SMC5: variants seen among roughly 807,000 people sequenced by gnomAD.
The protein encoded by SMC5 is structural maintenance of chromosomes protein 5.
In SMC5, 88 loss-of-function variants were observed where a neutral mutation model predicts 148.3. The observed-to-expected ratio is 0.59, with a 90% CI of 0.50 to 0.71. The LOEUF is 0.71. Ranked by LOEUF, SMC5 falls within the 30% of genes least tolerant of loss-of-function variation. The pLI, the probability that SMC5 is intolerant of heterozygous loss-of-function variation, is 0.00. For synonymous variants in SMC5, 421 were observed against 432.8 expected, an observed-to-expected ratio of 0.97 and a Z score of 0.34; for missense variants, 1,142 against 1,298.9, an observed-to-expected ratio of 0.88 and a Z score of 1.86.
At chr9:70,308,829 CAT>C (rs2035579285) in intron 11 of SMC5, among the ~76,000 whole-genome samples, 1 of 151,850 alleles carries the variant, frequency 6.6e-6, no homozygotes, top group African/African-American at 2.4e-5. Flanking sequence ...AGTACGTAGA[CAT>C]ATCGATTTTT....
chr9:70,329,059 G>A (rs1326600156), intron 17 of SMC5, among the ~76,000 whole-genome samples: 3 of 152,194 alleles, frequency 2.0e-5, no homozygotes, highest in Admixed American at 1.3e-4. Flanking sequence ...TGCACAGAGC[G>A]GCAGGGCCCT....
chr9:70,283,923 T>G (rs1391396036), intron 7 of SMC5, among the ~76,000 whole-genome samples: 2 of 152,210 alleles, frequency 1.3e-5, no homozygotes, highest in Non-Finnish European at 2.9e-5. Flanking sequence ...TTGACTAATG[T>G]AAGTTTCATC....
intron 24 of SMC5, among the ~76,000 whole-genome samples, chr9:70,351,199 C>G (rs898089597): frequency 6.6e-6 from 1 of 151,732 alleles, no homozygotes; most frequent in Admixed American, 6.6e-5. Flanking sequence ...AAAAAAAATA[C>G]AAAAATTAGC....
At position 70,323,470 on chromosome 9, in the gene SMC5, ATG is replaced by A; in HGVS notation, c.2151-9_2151-8del. 6.3e-7 allele frequency: 1 copy of A among 1,583,308 alleles called. No individual in the cohort carries two copies. Among genetic ancestry groups the A allele is most frequent in the Non-Finnish European group, 8.5e-7 (1 of 1,169,950 alleles). Reference sequence around the variant, plus strand: ...TTAACACTGATTTCTTCATTATTATATGTGTCATACAGTTTAAAGCTGATGGA... The same window carrying A: ...TTAACACTGATTTCTTCATTATTATATGTCATACAGTTTAAAGCTGATGGA... On this transcript the variant is annotated splice_polypyrimidine_tract_variant and intron_variant, in intron 15 of 24. Coordinates refer to ENST00000361138, the MANE Select transcript of SMC5 (RefSeq NM_015110.4).
intron 11 of SMC5, among the ~76,000 whole-genome samples, chr9:70,306,211 T>C (rs1341084456): frequency 6.6e-6 from 1 of 152,196 alleles, no homozygotes; most frequent in Non-Finnish European, 1.5e-5. Flanking sequence ...AAAAGCCTTA[T>C]AAGGAAAGGT....
intron 1 of SMC5, among the ~76,000 whole-genome samples, chr9:70,263,166 A>G (rs1444263985): frequency 6.6e-6 from 1 of 152,214 alleles, no homozygotes; most frequent in East Asian, 1.9e-4. Flanking sequence ...AAGAAGTTCC[A>G]TGTCAGGTAA....
intron 3 of SMC5, among the ~76,000 whole-genome samples, chr9:70,271,810 A>G (rs568082471): frequency 6.6e-6 from 1 of 152,338 alleles, no homozygotes; most frequent in African/African-American, 2.4e-5. Flanking sequence ...AGGTATAGAG[A>G]TTTGCAAATG....
In SMC5 at chr9:70,259,280, C is replaced by A; in HGVS notation, c.185+17C>A. 1 of 1,555,008 alleles carries A rather than the reference C, an allele frequency of 6.4e-7. No individual in the cohort carries two copies. Among genetic ancestry groups the A allele is most frequent in the Non-Finnish European group, 8.7e-7 (1 of 1,148,524 alleles). On this transcript the variant is annotated intron_variant, in intron 1 of 24. Transcript: ENST00000361138. ...GAACTTCCTGTAAGTTGCCCGGAGG[C>A]CGCGCCGCGGGTGTGGAGGTGTGCT...
intron 1 of SMC5, among the ~76,000 whole-genome samples, chr9:70,263,151 A>G (rs1467472182): frequency 6.6e-6 from 1 of 152,230 alleles, no homozygotes; most frequent in Non-Finnish European, 1.5e-5. Context: ...TCATGTGTTG[A>G]GCGTAAGAAG....
rs151310716 is a variant in SMC5 at position 70,326,818 on chromosome 9, T to G, written c.2397+2675T>G. Among the ~76,000 whole-genome samples, 435 of 152,066 alleles carry G rather than the reference T, an allele frequency of 2.9e-3. 3 individuals are homozygous for G. The highest frequency in any genetic ancestry group is 0.01 in the African/African-American group (420 of 41,520). On this transcript the variant is annotated intron_variant, in intron 17 of 24. Transcript: ENST00000361138. ...GCAACATAGCCTAACAGAGAAAAAT[T>G]ATTCCAAATGACTATAAAACACTGT...
At chr9:70,312,275 AC>A (rs1241226308) in intron 11 of SMC5, among the ~76,000 whole-genome samples, 1 of 152,200 alleles carries the variant, frequency 6.6e-6, no homozygotes, top group African/African-American at 2.4e-5. Context: ...GGCACATCTT[AC>A]ATGGCAGCAG....
rs2036444873 is a variant in SMC5, at chr9:70,339,163, C to T, written c.2398-4981C>T. 3.3e-5 allele frequency among the ~76,000 whole-genome samples: 5 copies of T among 152,140 alleles called. No individual in the cohort carries two copies. In the South Asian group the frequency reaches 1.0e-3, roughly 32 times the overall value. On this transcript the variant is annotated intron_variant, in intron 17 of 24. Coordinates refer to ENST00000361138, the MANE Select transcript of SMC5 (RefSeq NM_015110.4). ...GTCAAGAATGGGCTGGGCACGGTGG[C>T]TCACGCCTGTAATCCCAGCACTTTG...
chr9:70,331,425 G>T (rs184331215), intron 17 of SMC5, among the ~76,000 whole-genome samples: 1 of 151,910 alleles, frequency 6.6e-6, no homozygotes. Flanking sequence ...AAAACAGGGA[G>T]ATTTGAATGC....
chr9:70,313,695 TCA>T (rs1191947253), intron 11 of SMC5, among the ~76,000 whole-genome samples: 4 of 152,140 alleles, frequency 2.6e-5, no homozygotes, highest in Non-Finnish European at 5.9e-5. Flanking sequence ...AGACGGGCTT[TCA>T]CCATGTTGGT....
chr9:70,297,860 A>AAC (rs1273300603), intron 8 of SMC5, 106 bp from the exon 9 acceptor site: 5 of 1,305,850 alleles, frequency 3.8e-6, no homozygotes, highest in Non-Finnish European at 5.2e-6. Flanking sequence ...TAGTGAGGAA[A>AAC]ACACCTATGT....
chr9:70,351,538 CAAAG>C (rs2036804200), intron 24 of SMC5, among the ~76,000 whole-genome samples: 1 of 151,976 alleles, frequency 6.6e-6, no homozygotes, highest in Admixed American at 6.6e-5. Context: ...ACCAGGCTAT[CAAAG>C]AAGTTGCTTG....
rs766329777 is a variant in SMC5 at position 70,278,517 on chromosome 9, C to G, written c.570C>G (p.Leu190=). The G allele has an allele frequency of 6.2e-7, 1 of 1,608,424 alleles. No homozygotes were observed. The highest frequency in any genetic ancestry group is 2.2e-5 in the East Asian group (1 of 44,654). ...PQDKVGEFAK[L]SKIELLEATE... ...ACAAAGTTGGAGAATTTGCTAAACT[C>G]AGCAAAATTGAACTCCTCGAAGCCA... The change falls in exon 5 of 25, where the codon CTC becomes CTG. Residue 190 remains leucine, a synonymous_variant. Transcript: ENST00000361138.
intron 2 of SMC5, among the ~76,000 whole-genome samples, chr9:70,266,941 A>G (rs1047856861): frequency 2.6e-5 from 4 of 151,808 alleles, no homozygotes; most frequent in Non-Finnish European, 5.9e-5. Context: ...AACAACTTGT[A>G]TGTGGTGGAG....
intron 17 of SMC5, among the ~76,000 whole-genome samples, chr9:70,327,734 C>T (rs1165342395): frequency 6.6e-6 from 1 of 152,164 alleles, no homozygotes; most frequent in Non-Finnish European, 1.5e-5. Context: ...TAGTTTCCAG[C>T]ATCACAAAAA....
Sources: gnomAD v4.1 joint callset for allele counts (sites outside exome capture counted in the v4.1 genomes callset) on GRCh38, gnomAD v4.1.1 for gene constraint, MANE v1.5 for transcripts, NCBI Gene and HGNC (gene_info 2026-07-23, HGNC 2026-07-21) for gene names.